Variants in SMC4 observed in about 807,000 individuals in gnomAD.
SMC4 encodes structural maintenance of chromosomes protein 4.
Under a neutral mutation model 145.6 loss-of-function variants are expected in SMC4, and 87 were observed. The ratio of observed to expected loss-of-function variants is 0.60; its 90% CI spans 0.50 to 0.71. SMC4 has a LOEUF of 0.71. Among genes scored for constraint, SMC4 ranks in the 30% least tolerant of loss-of-function variants. SMC4 has a pLI of 0.00. For missense variants in SMC4, 1,447 were observed against 1,537.1 expected (o/e 0.94, Z 0.98); for synonymous variants, 558 against 500.7 (o/e 1.11, Z -1.53).
intron 22 of SMC4, 132 bp from the exon 23 acceptor site, chr3:160,432,889 AAAGAG>A: frequency 1.6e-6 from 1 of 639,214 alleles, no homozygotes; most frequent in South Asian, 2.1e-5. Flanking sequence ...AAATAACAGA[AAAGAG>A]AATTCATATT....
chr3:160,416,442 T>A (rs772287865), intron 10 of SMC4, 27 bp downstream of exon 10: 8 of 1,372,138 alleles, frequency 5.8e-6, no homozygotes, highest in South Asian at 5.3e-5. Flanking sequence ...TATCAGTGTT[T>A]ATTTTGGTGG....
chr3:160,406,558 C>T (rs1019011617), intron 5 of SMC4, among the ~76,000 whole-genome samples: 1 of 152,074 alleles, frequency 6.6e-6, no homozygotes, highest in Admixed American at 6.5e-5. Context: ...GAAACAGCAT[C>T]GTAGTATCAA....
At chr3:160,407,913 A>G (rs1051690440) in intron 5 of SMC4, among the ~76,000 whole-genome samples, 5 of 152,228 alleles carry the variant, frequency 3.3e-5, no homozygotes, top group African/African-American at 1.2e-4. Flanking sequence ...GTTTTATTTT[A>G]GAAAGATACT....
chr3:160,423,804 G>A lies in SMC4; in HGVS notation c.2289G>A (p.Met763Ile). Residue 763 changes from methionine (M) to isoleucine (I), a missense_variant, in exon 15 of 24, where the codon ATG (methionine) becomes ATA (isoleucine). Coordinates refer to ENST00000357388, the MANE Select transcript of SMC4 (RefSeq NM_001002800.3). ...GAAGCAAAGTAATGAAAGGAAGAATGGGTTCCTCACTTGTTATTGAAATCT... is the reference window on the plus strand; with the variant it reads ...GAAGCAAAGTAATGAAAGGAAGAATAGGTTCCTCACTTGTTATTGAAATCT... The part of the protein sequence containing the change: ...GGGSKVMKGR[M>I]GSSLVIEISE... 1 of 1,613,472 alleles carries A rather than the reference G, an allele frequency of 6.2e-7. No homozygotes were observed. Among genetic ancestry groups the A allele is most frequent in the Non-Finnish European group, 8.5e-7 (1 of 1,179,752 alleles).
intron 1 of SMC4, 26 bp downstream of exon 1, chr3:160,399,775 G>A (rs1473114131): frequency 1.3e-5 from 2 of 152,502 alleles, no homozygotes; most frequent in Non-Finnish European, 2.9e-5. Flanking sequence ...TCCTGGTCAG[G>A]TTGTCACGCT....
chr3:160,416,442 T>C (rs772287865), intron 10 of SMC4, 27 bp downstream of exon 10: 4 of 1,372,136 alleles, frequency 2.9e-6, no homozygotes, highest in Non-Finnish European at 3.9e-6. Flanking sequence ...TATCAGTGTT[T>C]ATTTTGGTGG....
chr3:160,432,991 A>G, intron 22 of SMC4, 35 bp from the exon 23 acceptor site: 1 of 1,453,318 alleles, frequency 6.9e-7, no homozygotes, highest in Non-Finnish European at 9.6e-7. Context: ...TTAGCTTTAC[A>G]GGTAATTTGA....
At chr3:160,414,023 T>C in intron 8 of SMC4, 1 of 348,984 alleles carries the variant, frequency 2.9e-6, no homozygotes, top group Non-Finnish European at 5.4e-6. Flanking sequence ...ATAAAAAAAT[T>C]TGTATAGTAA....
chr3:160,412,454 G>T lies in SMC4; in HGVS notation c.980+1G>T. The T allele has an allele frequency of 6.3e-7, 1 of 1,596,316 alleles. No individual in the cohort carries two copies. The highest frequency in any genetic ancestry group is 8.6e-7 in the Non-Finnish European group (1 of 1,169,240). On this transcript the variant is annotated splice_donor_variant, in intron 7 of 23. Coordinates refer to ENST00000357388, the MANE Select transcript of SMC4 (RefSeq NM_001002800.3). LOFTEE classifies it high-confidence loss of function. ...AGAATCATGTTTGTCAATATTATAT[G>T]TAAGTGCCTTGATTGATATTACCAA... is the stretch of plus-strand genomic sequence containing the variant.
rs368046611 is a variant in SMC4 at position 160,423,681 on chromosome 3, T to G, written c.2245+31T>G. On this transcript the variant is annotated intron_variant, in intron 14 of 23. Transcript: ENST00000357388. ...AGTGTTTTTGTTTCTTGGTTTGTTT[T>G]TTTTTCCCCCCACAGCATTGACTTT... The G allele has an allele frequency of 6.9e-6, 11 of 1,598,628 alleles. No homozygotes were observed. The Admixed American group carries it at 1.4e-4, about 20-fold the overall frequency.
chr3:160,401,676 G>A (rs1714679152), intron 2 of SMC4, among the ~76,000 whole-genome samples: 1 of 152,172 alleles, frequency 6.6e-6, no homozygotes. Flanking sequence ...TTTGTGACCG[G>A]TGGCATTTCT....
chr3:160,415,370 G>C (rs142984941), intron 9 of SMC4, among the ~76,000 whole-genome samples: 215 of 152,300 alleles, frequency 1.4e-3, no homozygotes, highest in African/African-American at 5.0e-3. Context: ...GTCTTAAAGA[G>C]AGATAGGAAA....
chr3:160,425,642 A>T (rs1017355914), intron 16 of SMC4, among the ~76,000 whole-genome samples: 22 of 152,286 alleles, frequency 1.4e-4, no homozygotes, highest in Non-Finnish European at 2.5e-4. Context: ...GGCTATGTTT[A>T]AAAAAATCCT....
intron 9 of SMC4, among the ~76,000 whole-genome samples, chr3:160,415,174 C>G (rs1010617130): frequency 6.6e-6 from 1 of 152,160 alleles, no homozygotes; most frequent in Non-Finnish European, 1.5e-5. Flanking sequence ...GAGTTTAAGA[C>G]CAGCCTGGGC....
chr3:160,425,350 CTGT>C (rs1419931834), intron 16 of SMC4, among the ~76,000 whole-genome samples: 1 of 152,068 alleles, frequency 6.6e-6, no homozygotes, highest in Non-Finnish European at 1.5e-5. Context: ...TGCACGCCCA[CTGT>C]TTTTTTAATA....
chr3:160,426,813 G>A (rs886149049), intron 17 of SMC4, among the ~76,000 whole-genome samples: 2 of 152,148 alleles, frequency 1.3e-5, no homozygotes, highest in Non-Finnish European at 2.9e-5. Flanking sequence ...GCATCTTAAT[G>A]GGAGAAGGGA....
rs182699487 is a variant in SMC4 at position 160,430,311 on chromosome 3, A to T, written c.2796-288A>T. On this transcript the variant is annotated intron_variant, in intron 18 of 23. Coordinates refer to ENST00000357388, the MANE Select transcript of SMC4 (RefSeq NM_001002800.3). The stretch of plus-strand genomic sequence containing the variant: ...TAACAATCTCTGACGAGAAAATGAC[A>T]AAAGAATTTGATAATCTAATGGACA... Among the ~76,000 whole-genome samples the T allele has an allele frequency of 7.2e-5, 11 of 152,318 alleles. No homozygotes were observed. The East Asian group carries it at 2.1e-3, about 29-fold the overall frequency.
At chr3:160,419,612 C>A in intron 12 of SMC4, 69 bp downstream of exon 12, 1 of 1,401,128 alleles carries the variant, frequency 7.1e-7, no homozygotes, top group Non-Finnish European at 9.8e-7. Context: ...ATTTTTTTGC[C>A]TTGACAACCA....
chr3:160,418,761 A>G (rs138757499), intron 11 of SMC4, among the ~76,000 whole-genome samples: 1 of 152,310 alleles, frequency 6.6e-6, no homozygotes, highest in Non-Finnish European at 1.5e-5. Context: ...GGAGGAATAT[A>G]CCAGTTAGAA....
Sources: allele counts gnomAD v4.1 joint callset (sites outside exome capture counted in the v4.1 genomes callset), GRCh38; gene constraint gnomAD v4.1.1; transcripts MANE v1.5; gene names NCBI Gene and HGNC (gene_info 2026-07-23, HGNC 2026-07-21).